The following UHRF2 variants were observed in gnomAD, a reference collection of about 807,000 sequenced individuals.
UHRF2 encodes E3 ubiquitin-protein ligase UHRF2.
UHRF2 carries 23 observed loss-of-function variants against 96.8 expected under a neutral mutation model. That is an observed-to-expected ratio of 0.24 (90% CI 0.17 to 0.34). The LOEUF is 0.34. Ranked by LOEUF, UHRF2 falls within the 10% of genes least tolerant of loss-of-function variation. The pLI, the probability that UHRF2 is intolerant of heterozygous loss-of-function variation, is 1.00. For synonymous variants in UHRF2, 385 were observed against 332.6 expected, an observed-to-expected ratio of 1.16 and a Z score of -1.72; for missense variants, 685 against 981.5, an observed-to-expected ratio of 0.70 and a Z score of 4.04.
At chr9:6,442,403 A>G (rs983578365) in intron 3 of UHRF2, among the ~76,000 whole-genome samples, 2 of 152,210 alleles carry the variant, frequency 1.3e-5, no homozygotes, top group African/African-American at 4.8e-5. Flanking sequence ...AGAATAATCA[A>G]TCCATAAATT....
intron 9 of UHRF2, among the ~76,000 whole-genome samples, chr9:6,493,172 C>T (rs1248387369): frequency 6.6e-6 from 1 of 152,006 alleles, no homozygotes; most frequent in Non-Finnish European, 1.5e-5. Context: ...GTGGCACATT[C>T]CTGTAATCCC....
chr9:6,450,802 T>C (rs149024205), intron 3 of UHRF2, among the ~76,000 whole-genome samples: 3 of 152,330 alleles, frequency 2.0e-5, no homozygotes, highest in African/African-American at 4.8e-5. Context: ...TGTTTCTTTG[T>C]GTTCAGGTAT....
intron 4 of UHRF2, among the ~76,000 whole-genome samples, chr9:6,469,681 T>TATATATATACACGTATATAC (rs1554630034): frequency 4.6e-5 from 4 of 87,648 alleles, no homozygotes; most frequent in South Asian, 2.9e-4. Context: ...TGTGTGTATG[T>TATATATATACACGTATATAC]ATATATATAC....
chr9:6,460,022 G>A (rs1822432287), intron 3 of UHRF2, among the ~76,000 whole-genome samples: 1 of 152,122 alleles, frequency 6.6e-6, no homozygotes, highest in African/African-American at 2.4e-5. Context: ...AAGAGCTTAT[G>A]TTTTTATCAC....
At chr9:6,477,385 G>C (rs1275624138) in intron 5 of UHRF2, among the ~76,000 whole-genome samples, 1 of 151,896 alleles carries the variant, frequency 6.6e-6, no homozygotes, top group Admixed American at 6.6e-5. Flanking sequence ...AATTAGCCAG[G>C]CGTGGTGGCA....
At chr9:6,440,815 T>C (rs1385373141) in intron 3 of UHRF2, among the ~76,000 whole-genome samples, 1 of 152,228 alleles carries the variant, frequency 6.6e-6, no homozygotes, top group Non-Finnish European at 1.5e-5. Flanking sequence ...CTAGGAAGTT[T>C]TCAAAATAAT....
At chr9:6,434,766 A>T (rs1254252247) in intron 3 of UHRF2, among the ~76,000 whole-genome samples, 1 of 151,920 alleles carries the variant, frequency 6.6e-6, no homozygotes, top group African/African-American at 2.4e-5. Flanking sequence ...TATGTATTTT[A>T]ACAGTATTTT....
Position 6,420,927 on chromosome 9 carries a change from A to G in UHRF2, c.169A>G (p.Thr57Ala). ...YRGKQLENGY[T>A]LFDYDVGLND... ...TATTTTCTAGTTGGAAAATGGATAT[A>G]CCTTATTTGATTATGATGTTGGACT... The change falls in exon 2 of 16, where the codon ACC becomes GCC. Residue 57 changes from threonine (T) to alanine (A), a missense_variant. This residue lies in a region of UHRF2 where 391 missense variants were observed against 437.0 expected (regional missense o/e 0.89). Coordinates refer to ENST00000276893, the MANE Select transcript of UHRF2 (RefSeq NM_152896.3). 1 of 1,613,660 alleles carries G rather than the reference A, an allele frequency of 6.2e-7. No homozygotes were observed. Among genetic ancestry groups the G allele is most frequent in the Non-Finnish European group, 8.5e-7 (1 of 1,179,584 alleles).
intron 1 of UHRF2, among the ~76,000 whole-genome samples, chr9:6,417,538 A>G (rs1323893121): frequency 3.3e-5 from 5 of 152,220 alleles, no homozygotes; most frequent in African/African-American, 9.6e-5. Flanking sequence ...AATCATCTCA[A>G]CACTTCACAG....
intron 1 of UHRF2, among the ~76,000 whole-genome samples, chr9:6,420,081 C>T (rs1819841097): frequency 6.7e-6 from 1 of 149,968 alleles, no homozygotes. Flanking sequence ...TCTTTTTTGA[C>T]AGTCTCCCTC....
At chr9:6,416,884 T>A (rs1005421166) in intron 1 of UHRF2, among the ~76,000 whole-genome samples, 18 of 152,176 alleles carry the variant, frequency 1.2e-4, no homozygotes, top group African/African-American at 4.3e-4. Context: ...CTCGTCATTC[T>A]TTCACTCCTT....
intron 14 of UHRF2, chr9:6,504,373 AATAG>A: frequency 2.9e-6 from 1 of 345,538 alleles, no homozygotes; most frequent in Non-Finnish European, 5.3e-6. Flanking sequence ...ATTGCTAAAT[AATAG>A]ATGGATATAT....
chr9:6,414,733 C>G (rs1819492939), intron 1 of UHRF2, among the ~76,000 whole-genome samples: 1 of 152,194 alleles, frequency 6.6e-6, no homozygotes, highest in South Asian at 2.1e-4. Flanking sequence ...ATATTTTCCT[C>G]CCCTTCACAG....
intron 3 of UHRF2, among the ~76,000 whole-genome samples, chr9:6,455,277 A>G (rs111822258): frequency 0.18 from 26,811 of 151,916 alleles, 2,498 homozygotes; most frequent in East Asian, 0.26. Flanking sequence ...TCCTAATGCT[A>G]TCCCTCCCCC....
chr9:6,428,052 G>A (rs184433515), intron 2 of UHRF2, among the ~76,000 whole-genome samples: 74 of 152,264 alleles, frequency 4.9e-4, no homozygotes, highest in Non-Finnish European at 7.9e-4. Context: ...AATAATGACT[G>A]TTTAGAATGA....
chr9:6,484,850 G>A (rs1229686062), intron 8 of UHRF2, among the ~76,000 whole-genome samples: 1 of 128,084 alleles, frequency 7.8e-6, no homozygotes, highest in African/African-American at 3.1e-5. Context: ...CTGGAGTGCA[G>A]TGGCACAATC....
At chr9:6,429,470 A>G (rs1211004564) in intron 2 of UHRF2, among the ~76,000 whole-genome samples, 2 of 152,050 alleles carry the variant, frequency 1.3e-5, no homozygotes, top group Non-Finnish European at 2.9e-5. Flanking sequence ...GCTGGAGTAT[A>G]GTGGCGGGAT....
intron 1 of UHRF2, among the ~76,000 whole-genome samples, chr9:6,415,970 C>T (rs1819574759): frequency 6.6e-6 from 1 of 152,216 alleles, no homozygotes; most frequent in African/African-American, 2.4e-5. Context: ...TGAAGCTGAC[C>T]TACTGAAGCA....
intron 2 of UHRF2, among the ~76,000 whole-genome samples, chr9:6,428,034 C>G (rs1043736100): frequency 6.6e-6 from 1 of 152,178 alleles, no homozygotes; most frequent in East Asian, 1.9e-4. Context: ...GGCTGTCATC[C>G]TGGACTAAAT....
Sources: allele counts gnomAD v4.1 joint callset (sites outside exome capture counted in the v4.1 genomes callset), GRCh38; gene constraint gnomAD v4.1.1; regional missense constraint gnomAD v4.1.1; transcripts MANE v1.5; gene names NCBI Gene and HGNC (gene_info 2026-07-23, HGNC 2026-07-21).